The following LRRTM3 variants were observed in gnomAD, a reference collection of about 807,000 sequenced individuals.
The protein encoded by LRRTM3 is leucine-rich repeat transmembrane neuronal protein 3.
In LRRTM3, 24 loss-of-function variants were observed where a neutral mutation model predicts 44.7. The observed-to-expected ratio is 0.54, with a 90% CI of 0.39 to 0.76. The LOEUF is 0.76. Ranked by LOEUF, LRRTM3 falls within the 30% of genes least tolerant of loss-of-function variation. LRRTM3 has a pLI of 0.00. For missense variants in LRRTM3, 587 were observed against 702.2 expected (o/e 0.84, Z 1.85); for synonymous variants, 277 against 278.7 (o/e 0.99, Z 0.06).
intron 2 of LRRTM3, among the ~76,000 whole-genome samples, chr10:66,968,128 T>G (rs1025714438): frequency 9.9e-5 from 15 of 152,146 alleles, no homozygotes; most frequent in Admixed American, 2.0e-4. Flanking sequence ...AGAAAAAACT[T>G]GCCAACAAAA....
intron 2 of LRRTM3, among the ~76,000 whole-genome samples, chr10:66,965,337 C>T (rs1038910643): frequency 3.9e-5 from 6 of 151,908 alleles, no homozygotes; most frequent in African/African-American, 9.7e-5. Flanking sequence ...GAGATCCAGA[C>T]GATCTTGGCC....
chr10:66,984,518 T>C (rs773316104), intron 2 of LRRTM3, among the ~76,000 whole-genome samples: 13 of 152,180 alleles, frequency 8.5e-5, no homozygotes, highest in Non-Finnish European at 1.8e-4. Context: ...TCATTTTGTC[T>C]CACAAACACA....
At chr10:67,038,907 T>C (rs1373985663) in intron 2 of LRRTM3, among the ~76,000 whole-genome samples, 2 of 152,092 alleles carry the variant, frequency 1.3e-5, no homozygotes, top group Admixed American at 1.3e-4. Flanking sequence ...ACAAATTAAC[T>C]ATAAAATCCA....
At chr10:67,090,814 T>C (rs1030245184) in intron 2 of LRRTM3, among the ~76,000 whole-genome samples, 5 of 152,036 alleles carry the variant, frequency 3.3e-5, no homozygotes, top group Non-Finnish European at 7.4e-5. Flanking sequence ...GCAGAAATCC[T>C]AAAGAAACTA....
intron 2 of LRRTM3, among the ~76,000 whole-genome samples, chr10:66,943,071 T>C (rs1249300374): frequency 6.6e-6 from 1 of 152,180 alleles, no homozygotes; most frequent in Non-Finnish European, 1.5e-5. Flanking sequence ...ACTGAGTTAA[T>C]TGACTGGCTT....
At position 66,927,683 on chromosome 10, in the gene LRRTM3, A is replaced by G. The variant is rs749185998; in HGVS notation, c.767A>G (p.Gln256Arg). ...ATGTCCTGGACCTGGAGCTCCTTAC[A>G]AAGGCTTGATTTATCAGGCAATGAG... ...QTMSWTWSSL[Q>R]RLDLSGNEIE... Residue 256 changes from glutamine (Q) to arginine (R), a missense_variant, in exon 2 of 3, where the codon CAA (glutamine) becomes CGA (arginine). Physicochemically the swap from Gln to Arg is conservative, Grantham distance 43. Around this residue, in one of 3 missense-constraint regions of LRRTM3, gnomAD observed 222 missense variants for 323.3 expected, o/e 0.69. Coordinates refer to ENST00000361320, the MANE Select transcript of LRRTM3 (RefSeq NM_178011.5). This position sits in a 1 kb window ranked among gnomAD's most constrained non-coding sequence, Gnocchi z 4.7. 3.1e-6 allele frequency: 5 copies of G among 1,614,160 alleles called. No homozygotes were observed. The highest frequency in any genetic ancestry group is 4.2e-6 in the Non-Finnish European group (5 of 1,180,038).
rs1858217314 is a variant in LRRTM3 at position 67,099,591 on chromosome 10, C to A, written c.*1795C>A. Reference sequence around the variant, plus strand: ...TAAAAGCGGATTCAAGAAGAATGAACTTAAAAACTGTGGAGCAAATTTTTG... The same window carrying A: ...TAAAAGCGGATTCAAGAAGAATGAAATTAAAAACTGTGGAGCAAATTTTTG... On this transcript the variant is annotated 3_prime_UTR_variant, in exon 3 of 3. Transcript: ENST00000361320. 6.6e-6 allele frequency: 1 copy of A among 152,008 alleles called. No homozygotes were observed. Among genetic ancestry groups the A allele is most frequent in the South Asian group, 2.1e-4 (1 of 4,816 alleles). The allele number at this position is 152,008 out of a possible 1,614,324, so 9.4% of individuals were successfully genotyped here.
At chr10:67,055,602 T>C (rs933200603) in intron 2 of LRRTM3, among the ~76,000 whole-genome samples, 8 of 152,104 alleles carry the variant, frequency 5.3e-5, no homozygotes, top group Non-Finnish European at 7.4e-5. Flanking sequence ...CAAAATATAA[T>C]CAACACAATA....
intron 2 of LRRTM3, among the ~76,000 whole-genome samples, chr10:66,955,110 C>T (rs1380863149): frequency 6.6e-6 from 1 of 152,084 alleles, no homozygotes; most frequent in African/African-American, 2.4e-5. Flanking sequence ...CTTCCTCTAA[C>T]CTCTGAAAAG....
rs1428231194 is a variant in LRRTM3 at position 67,080,908 on chromosome 10, G to GA, written c.1537-16671dup. ...TGGGCGAGAGAGCGAGACTCTGTCT[G>GA]AAAAAAAACAAAAAAACAAAAAAAC... On this transcript the variant is annotated intron_variant, in intron 2 of 2. Transcript: ENST00000361320. 4.7e-5 allele frequency among the ~76,000 whole-genome samples: 5 copies of GA among 106,482 alleles called. No homozygotes were observed. The South Asian group carries it at 8.6e-4, about 18-fold the overall frequency. 69.9% of individuals were successfully genotyped at this position (106,482 alleles called of 152,430 possible). A position where few individuals can be genotyped will look rare whatever the true frequency, so the allele number is the denominator to read the frequency against.
chr10:66,955,842 G>A (rs892053704), intron 2 of LRRTM3, among the ~76,000 whole-genome samples: 1 of 152,034 alleles, frequency 6.6e-6, no homozygotes, highest in Non-Finnish European at 1.5e-5. Context: ...TCAAATTCTT[G>A]GAGCCCATTG....
rs1554895949 is a variant in LRRTM3 at position 67,005,687 on chromosome 10, T to TTTTTTTTTGTTTTG, written c.1536+77243_1536+77244insGTTTTGTTTTTTTT. 1.9e-3 allele frequency among the ~76,000 whole-genome samples: 195 copies of TTTTTTTTTGTTTTG among 102,314 alleles called. 4 individuals carry two copies. The highest frequency in any genetic ancestry group is 5.5e-3 in the African/African-American group (180 of 32,440). 67.1% of individuals were successfully genotyped at this position (102,314 alleles called of 152,430 possible). The stretch of plus-strand genomic sequence containing the variant: ...TTTTGTTTATTTTACTCCATCTTTT[T>TTTTTTTTTGTTTTG]TTTTTTTTTTTTTTTTGAGACGGAG... On this transcript the variant is annotated intron_variant, in intron 2 of 2. Coordinates refer to ENST00000361320, the MANE Select transcript of LRRTM3 (RefSeq NM_178011.5).
chr10:67,070,606 G>A (rs1396152449), intron 2 of LRRTM3, among the ~76,000 whole-genome samples: 1 of 151,976 alleles, frequency 6.6e-6, no homozygotes, highest in Middle Eastern at 3.2e-3. Flanking sequence ...AATTAGCTGG[G>A]CATGGTGGCG....
At chr10:66,973,673 G>A (rs1439846966) in intron 2 of LRRTM3, among the ~76,000 whole-genome samples, 1 of 152,126 alleles carries the variant, frequency 6.6e-6, no homozygotes, top group Non-Finnish European at 1.5e-5. Context: ...ACCCCAGCTG[G>A]AGTACAGTGG....
intron 2 of LRRTM3, among the ~76,000 whole-genome samples, chr10:67,089,051 ATG>A (rs1281261021): frequency 6.6e-6 from 1 of 152,084 alleles, no homozygotes; most frequent in African/African-American, 2.4e-5. Flanking sequence ...ATATGGGAGG[ATG>A]TGTGTGGATT....
chr10:67,100,162 C>T lies in LRRTM3; in HGVS notation c.*2366C>T, dbSNP rs1326085509. Among the ~76,000 whole-genome samples, 1 of 151,656 alleles carries T rather than the reference C, an allele frequency of 6.6e-6. No homozygotes were observed. Among genetic ancestry groups the T allele is most frequent in the Non-Finnish European group, 1.5e-5 (1 of 67,774 alleles). ...AATGTTAAGGTTCCAAGGAGTCTTA[C>T]AAGTGTATGCCCTTGATTTCCTGAA... On this transcript the variant is annotated 3_prime_UTR_variant, in exon 3 of 3. Transcript: ENST00000361320.
At chr10:67,097,473 G>A in intron 2 of LRRTM3, 114 bp from the exon 3 acceptor site, 1 of 858,554 alleles carries the variant, frequency 1.2e-6, no homozygotes, top group Non-Finnish European at 1.9e-6. Flanking sequence ...CTGGGCCACA[G>A]GGCCACAGAT....
chr10:66,973,920 C>A (rs890300073), intron 2 of LRRTM3, among the ~76,000 whole-genome samples: 1 of 152,168 alleles, frequency 6.6e-6, no homozygotes, highest in Admixed American at 6.5e-5. Context: ...CCGCGTCCAG[C>A]CTTATTTATT....
chr10:66,996,673 C>CAAAAAAAAAA (rs1851371155), intron 2 of LRRTM3, among the ~76,000 whole-genome samples: 1 of 69,054 alleles, frequency 1.4e-5, no homozygotes, highest in Non-Finnish European at 2.9e-5. Context: ...AAAAAAAAAG[C>CAAAAAAAAAA]ATGTTTGTGT....
Sources: gnomAD v4.1 joint callset for allele counts (sites outside exome capture counted in the v4.1 genomes callset) on GRCh38, gnomAD v4.1.1 for gene constraint, gnomAD v4.1.1 regional missense constraint, Gnocchi (gnomAD v3.1) non-coding constraint, MANE v1.5 for transcripts, NCBI Gene and HGNC (gene_info 2026-07-23, HGNC 2026-07-21) for gene names.